Variants in TTLL11 observed in about 807,000 individuals in gnomAD.
TTLL11 encodes the protein tubulin polyglutamylase TTLL11.
A neutral mutation model predicts 51.7 loss-of-function variants in TTLL11; 42 were observed. The ratio of observed to expected loss-of-function variants is 0.81; its 90% CI spans 0.64 to 1.05. The LOEUF (loss-of-function observed/expected upper bound fraction) is 1.05, where lower values mean the gene tolerates loss of function less well. Among genes scored for constraint, TTLL11 ranks in the 50% least tolerant of loss-of-function variants. The probability of loss-of-function intolerance (pLI) is 0.00; values close to 1 mark genes in which losing one functional copy is unlikely to be tolerated. For missense variants in TTLL11, 799 were observed against 940.4 expected (o/e 0.85, Z 1.97); for synonymous variants, 381 against 383.5 (o/e 0.99, Z 0.08).
intron 1 of TTLL11, 37 bp downstream of exon 1, chr9:122,092,650 C>A (rs1464829266): frequency 6.5e-7 from 1 of 1,535,534 alleles, no homozygotes; most frequent in Non-Finnish European, 8.7e-7. Flanking sequence ...CTGTCCACCC[C>A]ACTGTGCCCA....
intron 8 of TTLL11, among the ~76,000 whole-genome samples, chr9:121,826,467 GTATA>G (rs374014946): frequency 7.2e-5 from 7 of 97,072 alleles, no homozygotes; most frequent in Admixed American, 4.3e-4. Context: ...ATATATGTGT[GTATA>G]TATATATATG....
chr9:121,903,024 G>A (rs1839824773), intron 6 of TTLL11, among the ~76,000 whole-genome samples: 1 of 152,032 alleles, frequency 6.6e-6, no homozygotes, highest in South Asian at 2.1e-4. Context: ...TATGACTACT[G>A]TAACCACATT....
intron 7 of TTLL11, among the ~76,000 whole-genome samples, chr9:121,864,994 C>T (rs1055884465): frequency 6.6e-6 from 1 of 151,994 alleles, no homozygotes; most frequent in African/African-American, 2.4e-5. Context: ...TGAAAGCTAA[C>T]AAATGATCAA....
chr9:121,882,111 G>C (rs973055120), intron 6 of TTLL11, among the ~76,000 whole-genome samples: 6 of 152,208 alleles, frequency 3.9e-5, no homozygotes, highest in Admixed American at 3.3e-4. Flanking sequence ...AGTGTTAGCT[G>C]CTGTGACTGA....
At chr9:122,081,589 T>C (rs1846006333) in intron 1 of TTLL11, among the ~76,000 whole-genome samples, 1 of 152,242 alleles carries the variant, frequency 6.6e-6, no homozygotes, top group Non-Finnish European at 1.5e-5. Context: ...TCCATGGATA[T>C]GTAAAACTCT....
In TTLL11 at chr9:121,817,622, T is replaced by C. The variant is rs1362895852; in HGVS notation, c.*4965A>G. The C allele has an allele frequency of 6.6e-6, 1 of 152,358 alleles. No individual in the cohort carries two copies. Among genetic ancestry groups the C allele is most frequent in the East Asian group, 1.9e-4 (1 of 5,180 alleles). 9.4% of individuals were successfully genotyped at this position (152,358 alleles called of 1,614,324 possible). A position where few individuals can be genotyped will look rare whatever the true frequency, so the allele number is the denominator to read the frequency against. On this transcript the variant is annotated 3_prime_UTR_variant, in exon 9 of 9. Transcript: ENST00000321582. ...GAGCCTCAAGCTAAGTCCCCAGAAC[T>C]GAGTGGAGCAAACACCCAGCCTCTG...
intron 6 of TTLL11, among the ~76,000 whole-genome samples, chr9:121,899,174 C>T (rs1839653810): frequency 6.6e-6 from 1 of 152,250 alleles, no homozygotes; most frequent in South Asian, 2.1e-4. Flanking sequence ...GGCCTCTGCA[C>T]TTGATGGCTG....
At chr9:122,082,056 TAC>T (rs1301805147) in intron 1 of TTLL11, among the ~76,000 whole-genome samples, 1 of 152,194 alleles carries the variant, frequency 6.6e-6, no homozygotes, top group African/African-American at 2.4e-5. Flanking sequence ...ATGAATAGTA[TAC>T]AGTATTGGAG....
At chr9:122,050,656 C>A (rs1299033291) in intron 1 of TTLL11, among the ~76,000 whole-genome samples, 5 of 152,066 alleles carry the variant, frequency 3.3e-5, no homozygotes, top group Non-Finnish European at 7.4e-5. Flanking sequence ...GTCTAGATGA[C>A]CAATGGCATA....
chr9:121,953,253 A>T (rs1841902696), intron 6 of TTLL11, among the ~76,000 whole-genome samples: 2 of 152,236 alleles, frequency 1.3e-5, no homozygotes, highest in Admixed American at 1.3e-4. Context: ...TAATTGAAGA[A>T]GAAGCCATGC....
At chr9:121,884,232 C>T (rs931488674) in intron 6 of TTLL11, among the ~76,000 whole-genome samples, 1 of 152,192 alleles carries the variant, frequency 6.6e-6, no homozygotes, top group Non-Finnish European at 1.5e-5. Flanking sequence ...GGTCCTGCCT[C>T]TTCACAGTAG....
rs1277247135 is a variant in TTLL11 at position 121,819,029 on chromosome 9, T to C, written c.*3558A>G. The C allele has an allele frequency of 2.0e-5, 3 of 152,594 alleles. No homozygotes were observed. The highest frequency in any genetic ancestry group is 6.6e-5 in the Admixed American group (1 of 15,252). 9.5% of individuals were successfully genotyped at this position (152,594 alleles called of 1,614,324 possible). On this transcript the variant is annotated 3_prime_UTR_variant, in exon 9 of 9. Transcript: ENST00000321582. ...CCCAGGCGAGAGACCGTGTCCGAGT[T>C]TGGGGGACTGGACAGAGGCTGGGAG...
chr9:121,842,486 G>T (rs1837388154), intron 8 of TTLL11, among the ~76,000 whole-genome samples: 1 of 150,786 alleles, frequency 6.6e-6, no homozygotes, highest in Admixed American at 6.6e-5. Context: ...TCCCAGGCTG[G>T]TCACAAACTC....
At position 122,026,909 on chromosome 9, in the gene TTLL11, TAAAAAAA is replaced by T. The variant is rs57149192; in HGVS notation, c.693+4807_693+4813del. Among the ~76,000 whole-genome samples, 728 of 119,958 alleles carry T rather than the reference TAAAAAAA, an allele frequency of 6.1e-3. 2 individuals carry two copies. Among genetic ancestry groups the T allele is most frequent in the Non-Finnish European group, 7.6e-3 (417 of 54,932 alleles). The allele number at this position is 119,958 out of a possible 152,430, so 78.7% of individuals were successfully genotyped here. A position where few individuals can be genotyped will look rare whatever the true frequency, so the allele number is the denominator to read the frequency against. The stretch of plus-strand genomic sequence containing the variant: ...GACAAATCCAAATGTAAGTTCATTC[TAAAAAAA>T]AAAAAAAAAAAAAAACTAGCCAGTC... On this transcript the variant is annotated intron_variant, in intron 3 of 8. Coordinates refer to ENST00000321582, the MANE Select transcript of TTLL11 (RefSeq NM_001139442.2).
At chr9:121,943,402 T>C (rs938895329) in intron 6 of TTLL11, among the ~76,000 whole-genome samples, 2 of 152,198 alleles carry the variant, frequency 1.3e-5, no homozygotes, top group African/African-American at 4.8e-5. Flanking sequence ...TCTATGTGGA[T>C]GTGTGAGTCC....
rs1836462079 is a variant in TTLL11 at position 121,818,070 on chromosome 9, C to T, written c.*4517G>A. On this transcript the variant is annotated 3_prime_UTR_variant, in exon 9 of 9. Coordinates refer to ENST00000321582, the MANE Select transcript of TTLL11 (RefSeq NM_001139442.2). ...GCACATCCGGAGGACCTGCTGGGAACTCAACAACCCCACACAAACTCAGGG... is the reference window on the plus strand; with the variant it reads ...GCACATCCGGAGGACCTGCTGGGAATTCAACAACCCCACACAAACTCAGGG... The T allele has an allele frequency of 6.6e-6, 1 of 152,330 alleles. No individual in the cohort carries two copies. Among genetic ancestry groups the T allele is most frequent in the African/African-American group, 2.4e-5 (1 of 41,452 alleles). The allele number at this position is 152,330 out of a possible 1,614,324, so 9.4% of individuals were successfully genotyped here.
At chr9:121,967,595 T>G (rs1358035111) in intron 6 of TTLL11, among the ~76,000 whole-genome samples, 1 of 152,132 alleles carries the variant, frequency 6.6e-6, no homozygotes, top group East Asian at 1.9e-4. Context: ...TAGCAATAAA[T>G]GAGGAGTCTG....
intron 3 of TTLL11, among the ~76,000 whole-genome samples, chr9:122,030,202 T>TG (rs35688566): frequency 0.068 from 5,281 of 77,454 alleles, 285 homozygotes; most frequent in Non-Finnish European, 0.082. Flanking sequence ...AGAGAGACAT[T>TG]GGGGGGGGGG....
rs1564282907 is a variant in TTLL11, at chr9:121,873,642, C to CTTCTTCT, written c.1482-2895_1482-2894insAGAAGAA. On this transcript the variant is annotated intron_variant, in intron 6 of 8. Transcript: ENST00000321582. ...TCCTCCTCCTCCTCCTCCTCCTCCT[C>CTTCTTCT]TCTTCTTCTTCTTCTTCTTCTTCTT... 2.6e-3 allele frequency among the ~76,000 whole-genome samples: 349 copies of CTTCTTCT among 134,044 alleles called. 1 individual carries two copies. Among genetic ancestry groups the CTTCTTCT allele is most frequent in the African/African-American group, 4.8e-3 (169 of 35,192 alleles). 87.9% of individuals were successfully genotyped at this position (134,044 alleles called of 152,430 possible). A position where few individuals can be genotyped will look rare whatever the true frequency, so the allele number is the denominator to read the frequency against.
Sources: gnomAD v4.1 joint callset for allele counts (sites outside exome capture counted in the v4.1 genomes callset) on GRCh38, gnomAD v4.1.1 for gene constraint, MANE v1.5 for transcripts, NCBI Gene and HGNC (gene_info 2026-07-23, HGNC 2026-07-21) for gene names.